The following KCNJ5 variants were observed in gnomAD, a reference collection of about 807,000 sequenced individuals.
KCNJ5 encodes the protein G protein-activated inward rectifier potassium channel 4.
Under a neutral mutation model 20.2 loss-of-function variants are expected in KCNJ5, and 12 were observed. That is an observed-to-expected ratio of 0.59 (90% CI 0.38 to 0.96). The LOEUF is 0.96. Ranked by LOEUF, KCNJ5 falls within the 40% of genes least tolerant of loss-of-function variation. The pLI is 0.00. For synonymous variants in KCNJ5, 210 were observed against 213.9 expected (o/e 0.98, Z 0.16); for missense variants, 449 against 557.6 (o/e 0.81, Z 1.96).
At chr11:128,893,706 G>T (rs552274716) in intron 1 of KCNJ5, among the ~76,000 whole-genome samples, 1 of 152,132 alleles carries the variant, frequency 6.6e-6, no homozygotes, top group Non-Finnish European at 1.5e-5. Context: ...GTGAGGGGGG[G>T]GGTCAAAGCG....
rs533467467 is a variant in KCNJ5 at position 128,915,016 on chromosome 11, G to A, written c.938-1393G>A. ...TGAGAGCAGAGAGCAGGCTGTGGGC[G>A]CACCTGTGTGGGTGCGCTGGGGCTG... On this transcript the variant is annotated intron_variant, in intron 2 of 2. Coordinates refer to ENST00000529694, the MANE Select transcript of KCNJ5 (RefSeq NM_000890.5). Among the ~76,000 whole-genome samples, 24 of 152,330 alleles carry A rather than the reference G, an allele frequency of 1.6e-4. 1 individual carries two copies. In the South Asian group the frequency reaches 2.9e-3, roughly 18 times the overall value.
intron 1 of KCNJ5, among the ~76,000 whole-genome samples, chr11:128,892,330 G>C (rs1012771005): frequency 1.3e-5 from 2 of 152,220 alleles, no homozygotes; most frequent in African/African-American, 2.4e-5. Context: ...GGCCGGCCTT[G>C]TCATTGCTCC....
At chr11:128,897,994 C>G (rs557470297) in intron 1 of KCNJ5, among the ~76,000 whole-genome samples, 1 of 152,324 alleles carries the variant, frequency 6.6e-6, no homozygotes, top group South Asian at 2.1e-4. Flanking sequence ...CTGTTCTGTT[C>G]CATCAATCTA....
chr11:128,910,477 A>G (rs1944479889), intron 1 of KCNJ5, among the ~76,000 whole-genome samples: 1 of 152,224 alleles, frequency 6.6e-6, no homozygotes, highest in African/African-American at 2.4e-5. Flanking sequence ...AATCAGATAC[A>G]TGCTGCCTTT....
intron 1 of KCNJ5, among the ~76,000 whole-genome samples, chr11:128,899,391 T>G (rs1189946427): frequency 6.6e-6 from 1 of 152,232 alleles, no homozygotes; most frequent in Non-Finnish European, 1.5e-5. Context: ...TTCTCACATT[T>G]ACCATCCCTC....
chr11:128,902,527 G>A, intron 1 of KCNJ5: 1 of 1,572,890 alleles, frequency 6.4e-7, no homozygotes. Flanking sequence ...GGGGGCTGGG[G>A]AGCACAGGGC....
intron 1 of KCNJ5, among the ~76,000 whole-genome samples, chr11:128,897,084 C>CG (rs1455736170): frequency 2.0e-5 from 3 of 146,352 alleles, no homozygotes; most frequent in Non-Finnish European, 4.5e-5. Flanking sequence ...TTACTAATAC[C>CG]GTTTACCACT....
intron 1 of KCNJ5, chr11:128,904,591 C>G (rs745466665): frequency 1.1e-6 from 1 of 877,168 alleles, no homozygotes; most frequent in South Asian, 1.3e-5. Flanking sequence ...AGCAAAACCG[C>G]GGACTCTGGA....
intron 1 of KCNJ5, among the ~76,000 whole-genome samples, chr11:128,898,891 G>A (rs577407886): frequency 3.3e-5 from 5 of 152,106 alleles, no homozygotes; most frequent in Non-Finnish European, 5.9e-5. Flanking sequence ...TGTTCGCTAC[G>A]CTGTTCTCGA....
At chr11:128,914,915 T>C (rs1473191708) in intron 2 of KCNJ5, among the ~76,000 whole-genome samples, 1 of 151,966 alleles carries the variant, frequency 6.6e-6, no homozygotes, top group Non-Finnish European at 1.5e-5. Context: ...GGGCCCGGTT[T>C]GGGCCTCTCT....
At chr11:128,909,530 G>A (rs1944469562) in intron 1 of KCNJ5, among the ~76,000 whole-genome samples, 1 of 152,232 alleles carries the variant, frequency 6.6e-6, no homozygotes, top group Admixed American at 6.5e-5. Context: ...TCTGGGTTAT[G>A]GAGTTATTTG....
At position 128,920,800 on chromosome 11, in the gene KCNJ5, T is replaced by TG. The variant is rs1944653726; in HGVS notation, c.*4072dup. 1 of 152,386 alleles carries TG rather than the reference T, an allele frequency of 6.6e-6. No individual in the cohort carries two copies. Among genetic ancestry groups the TG allele is most frequent in the South Asian group, 2.1e-4 (1 of 4,832 alleles). The allele number at this position is 152,386 out of a possible 1,614,324, so 9.4% of individuals were successfully genotyped here. A position where few individuals can be genotyped will look rare whatever the true frequency, so the allele number is the denominator to read the frequency against. ...AACTCTCACATCCACGGCACCACGC[T>TG]GGGCCCAGGCAACAGAGATAAGGAG... On this transcript the variant is annotated 3_prime_UTR_variant, in exon 3 of 3. Transcript: ENST00000529694.
chr11:128,911,932 G>T lies in KCNJ5; in HGVS notation c.659G>T (p.Arg220Leu), dbSNP rs775915273. The T allele has an allele frequency of 6.2e-7, 1 of 1,600,566 alleles. No homozygotes were observed. The highest frequency in any genetic ancestry group is 8.5e-7 in the Non-Finnish European group (1 of 1,171,332). The change falls in exon 2 of 3, where the codon CGG becomes CTG. Residue 220 changes from arginine to leucine, a missense_variant. Physicochemically the swap from Arg to Leu is moderately radical, Grantham distance 102. Around this residue, in one of 5 missense-constraint regions of KCNJ5, gnomAD observed 145 missense variants for 166.2 expected, o/e 0.87. Coordinates refer to ENST00000529694, the MANE Select transcript of KCNJ5 (RefSeq NM_000890.5). The surrounding 1 kb of genome is among the most constrained non-coding windows in gnomAD (Gnocchi z 6.3). ...MRDEKLCLMF[R>L]VGDLRNSHIV... ...GACGAGAAGCTGTGCCTCATGTTCCGGGTGGGCGACCTCCGCAACTCCCAC... is the reference window on the plus strand; with the variant it reads ...GACGAGAAGCTGTGCCTCATGTTCCTGGTGGGCGACCTCCGCAACTCCCAC...
chr11:128,916,006 AT>A (rs1944573411), intron 2 of KCNJ5, among the ~76,000 whole-genome samples: 1 of 149,362 alleles, frequency 6.7e-6, no homozygotes, highest in Non-Finnish European at 1.5e-5. Context: ...GGATGGATGG[AT>A]GGATGATTGG....
chr11:128,913,193 C>T (rs540635341), intron 2 of KCNJ5, among the ~76,000 whole-genome samples: 38 of 152,338 alleles, frequency 2.5e-4, no homozygotes, highest in South Asian at 1.0e-3. Context: ...GCTTTTGTGG[C>T]TGGGCTCCCT....
chr11:128,911,299 T>C lies in KCNJ5; in HGVS notation c.26T>C (p.Met9Thr). ...ATGGCTGGCGATTCTAGGAATGCCA[T>C]GAACCAGGACATGGAGATTGGAGTC... is the stretch of plus-strand genomic sequence containing the variant. Reference protein sequence around the residue: MAGDSRNAMNQDMEIGVTP... With the variant: MAGDSRNATNQDMEIGVTP... Residue 9 changes from methionine (M) to threonine (T), a missense_variant, in exon 2 of 3, where the codon ATG (methionine) becomes ACG (threonine). Coordinates refer to ENST00000529694, the MANE Select transcript of KCNJ5 (RefSeq NM_000890.5). The surrounding 1 kb of genome is among the most constrained non-coding windows in gnomAD (Gnocchi z 6.3). The C allele has an allele frequency of 6.2e-7, 1 of 1,614,118 alleles. No homozygotes were observed. Among genetic ancestry groups the C allele is most frequent in the Non-Finnish European group, 8.5e-7 (1 of 1,180,032 alleles).
chr11:128,914,305 C>T (rs900805031), intron 2 of KCNJ5, among the ~76,000 whole-genome samples: 6 of 152,234 alleles, frequency 3.9e-5, no homozygotes, highest in Admixed American at 6.5e-5. Context: ...CGCCCACAGG[C>T]TCGTAGTGGA....
At chr11:128,892,208 C>T (rs543450182) in intron 1 of KCNJ5, among the ~76,000 whole-genome samples, 2 of 152,342 alleles carry the variant, frequency 1.3e-5, no homozygotes, top group South Asian at 4.1e-4. Context: ...CTGCCCCCCT[C>T]GCTGCCCAAG....
intron 1 of KCNJ5, among the ~76,000 whole-genome samples, chr11:128,898,802 G>T (rs1031341854): frequency 6.6e-6 from 1 of 151,952 alleles, no homozygotes; most frequent in African/African-American, 2.4e-5. Flanking sequence ...TTAGCCTCCC[G>T]AATAGCTGGG....
Sources: allele counts gnomAD v4.1 joint callset (sites outside exome capture counted in the v4.1 genomes callset), GRCh38; gene constraint gnomAD v4.1.1; regional missense constraint gnomAD v4.1.1; non-coding constraint Gnocchi (gnomAD v3.1); transcripts MANE v1.5; gene names NCBI Gene and HGNC (gene_info 2026-07-23, HGNC 2026-07-21).